The following NR2F2 variants were observed in gnomAD, a reference collection of about 807,000 sequenced individuals.
NR2F2 encodes the protein COUP transcription factor 2.
In NR2F2, 2 loss-of-function variants were observed where a neutral mutation model predicts 34.8. The ratio of observed to expected loss-of-function variants is 0.06; its 90% CI spans 0.02 to 0.18. The LOEUF (loss-of-function observed/expected upper bound fraction) is 0.18, where lower values mean the gene tolerates loss of function less well. Ranked by LOEUF, NR2F2 falls within the 10% of genes least tolerant of loss-of-function variation. NR2F2 has a pLI of 1.00. For missense variants in NR2F2, 300 were observed against 580.1 expected, an observed-to-expected ratio of 0.52 and a Z score of 4.96; for synonymous variants, 274 against 251.8, an observed-to-expected ratio of 1.09 and a Z score of -0.84.
chr15:96,332,766 G>A (rs951839083), intron 1 of NR2F2: 2 of 1,082,406 alleles, frequency 1.8e-6, no homozygotes, highest in South Asian at 1.9e-5. Flanking sequence ...TCTTTGGGCT[G>A]TTTCCATTTC....
intron 1 of NR2F2, chr15:96,333,730 T>C (rs1016492523): frequency 4.0e-6 from 5 of 1,260,032 alleles, no homozygotes; most frequent in Non-Finnish European, 5.0e-6. Context: ...ATAAGAAATA[T>C]CAGCTGTTTA....
Position 96,331,536 on chromosome 15 carries a change from TCCTCCTCCTCTA to T in NR2F2, c.-560_-549del, listed in dbSNP as rs1899141202. On this transcript the variant is annotated 5_prime_UTR_variant, in exon 1 of 3. Coordinates refer to ENST00000394166, the MANE Select transcript of NR2F2 (RefSeq NM_021005.4). ...GACTTGGCCCCCGGACAGTCGCCTC[TCCTCCTCCTCTA>T]CCTCCTCCTTCACCACCACCTCCTC... 1 of 1,225,846 alleles carries T rather than the reference TCCTCCTCCTCTA, an allele frequency of 8.2e-7. No homozygotes were observed. Among genetic ancestry groups the T allele is most frequent in the Non-Finnish European group, 1.0e-6 (1 of 984,692 alleles). The allele number at this position is 1,225,846 out of a possible 1,614,324, so 75.9% of individuals were successfully genotyped here.
Position 96,332,134 on chromosome 15 carries a change from A to AC in NR2F2, c.34dup (p.Gln12ProfsTer57). The AC allele has an allele frequency of 7.4e-7, 1 of 1,352,682 alleles. No individual in the cohort carries two copies. 83.8% of individuals were successfully genotyped at this position (1,352,682 alleles called of 1,614,324 possible). Reference sequence around the variant, plus strand: ...GCAATGGTAGTCAGCACGTGGCGCGACCCCCAGGACGAGGTGCCCGGCTCA... The same window carrying AC: ...GCAATGGTAGTCAGCACGTGGCGCGACCCCCCAGGACGAGGTGCCCGGCTCA... On this transcript the variant is annotated frameshift_variant, in exon 1 of 3. Transcript: ENST00000394166. LOFTEE classifies it high-confidence loss of function.
At chr15:96,335,957 A>ATT (rs577974915) in intron 2 of NR2F2, among the ~76,000 whole-genome samples, 42 of 152,278 alleles carry the variant, frequency 2.8e-4, no homozygotes, top group African/African-American at 9.1e-4. Context: ...TTGGATAGGG[A>ATT]TTATTTTTCT....
In NR2F2 at chr15:96,331,819, A is replaced by G; in HGVS notation, c.-287A>G. 1 of 1,197,812 alleles carries G rather than the reference A, an allele frequency of 8.3e-7. No homozygotes were observed. Among genetic ancestry groups the G allele is most frequent in the Admixed American group, 4.4e-5 (1 of 22,550 alleles). 74.2% of individuals were successfully genotyped at this position (1,197,812 alleles called of 1,614,324 possible). A position where few individuals can be genotyped will look rare whatever the true frequency, so the allele number is the denominator to read the frequency against. ...TCCCCTTCCCCTCCCCTCCCGGCGGAAAGCCCCCCGAAACCAACAAAGCTG... is the reference window on the plus strand; with the variant it reads ...TCCCCTTCCCCTCCCCTCCCGGCGGGAAGCCCCCCGAAACCAACAAAGCTG... On this transcript the variant is annotated 5_prime_UTR_variant, in exon 1 of 3. Transcript: ENST00000394166.
upstream of NR2F2, chr15:96,326,259 A>C (rs1898979804): frequency 6.7e-7 from 1 of 1,498,968 alleles, no homozygotes; most frequent in Non-Finnish European, 9.3e-7. The surrounding 1 kb of genome is among the most constrained non-coding windows in gnomAD (Gnocchi z 5.5). Context: ...CCAACAAAGC[A>C]TTTATTTCAC....
At chr15:96,335,930 A>T (rs1424975353) in intron 2 of NR2F2, among the ~76,000 whole-genome samples, 2 of 152,216 alleles carry the variant, frequency 1.3e-5, no homozygotes, top group Admixed American at 1.3e-4. Context: ...CTGGGCAGGG[A>T]AGCTGTTTGC....
intron 1 of NR2F2, chr15:96,333,712 T>C: frequency 8.4e-7 from 1 of 1,185,152 alleles, no homozygotes; most frequent in Non-Finnish European, 1.0e-6. Flanking sequence ...CTCCCTCTCC[T>C]CCAATCAATA....
At chr15:96,335,668 A>G (rs1342732255) in intron 2 of NR2F2, among the ~76,000 whole-genome samples, 1 of 152,196 alleles carries the variant, frequency 6.6e-6, no homozygotes, top group Non-Finnish European at 1.5e-5. Context: ...ACCCACTACA[A>G]TTTTTTAAGC....
intron 2 of NR2F2, 64 bp from the exon 3 acceptor site, chr15:96,337,284 C>CTTCTTCTTCTTCTTCTTCTTCTTT: frequency 2.7e-6 from 2 of 744,084 alleles, no homozygotes; most frequent in Non-Finnish European, 3.5e-6. Flanking sequence ...TGACTGAATT[C>CTTCTTCTTCTTCTTCTTCTTCTTT]TTCTTCTTCT....
upstream of NR2F2, among the ~76,000 whole-genome samples, chr15:96,330,562 G>A (rs1042347305): frequency 2.0e-5 from 3 of 149,898 alleles, no homozygotes; most frequent in Non-Finnish European, 4.5e-5. Context: ...ATGACGGCGA[G>A]GGGGCGGCGC....
upstream of NR2F2, among the ~76,000 whole-genome samples, chr15:96,327,688 C>T (rs2141162409): frequency 6.6e-6 from 1 of 152,294 alleles, no homozygotes. Flanking sequence ...TCAATGAATC[C>T]TGGAGGACGG....
chr15:96,326,235 A>G, upstream of NR2F2: 2 of 1,209,914 alleles, frequency 1.7e-6, no homozygotes, highest in Non-Finnish European at 2.5e-6. This position sits in a 1 kb window ranked among gnomAD's most constrained non-coding sequence, Gnocchi z 5.5. Context: ...TCAAAGACAC[A>G]TCTTTTCAGG....
intron 1 of NR2F2, 72 bp downstream of exon 1, chr15:96,332,619 T>G: frequency 6.4e-7 from 1 of 1,563,186 alleles, no homozygotes; most frequent in Admixed American, 1.8e-5. Context: ...TAGCCTGCTC[T>G]GGGTAAGGAC....
At chr15:96,330,646 T>C (rs1899105997), upstream of NR2F2, 1 of 156,406 alleles carries the variant, frequency 6.4e-6, no homozygotes, top group African/African-American at 2.4e-5. Flanking sequence ...GTGCGCTAAG[T>C]TGCAGCAGTC....
At chr15:96,328,075 G>A (rs1395635778), upstream of NR2F2, among the ~76,000 whole-genome samples, 1 of 152,106 alleles carries the variant, frequency 6.6e-6, no homozygotes, top group Admixed American at 6.5e-5. Context: ...TTTCTTCTCA[G>A]TCTGTAGTCT....
At chr15:96,332,701 G>A in intron 1 of NR2F2, 154 bp downstream of exon 1, 1 of 1,427,316 alleles carries the variant, frequency 7.0e-7, no homozygotes, top group Non-Finnish European at 9.2e-7. Context: ...TTCTGCATTG[G>A]AACCCAGACC....
chr15:96,335,344 C>G (rs1009600321), intron 2 of NR2F2, among the ~76,000 whole-genome samples: 5 of 152,204 alleles, frequency 3.3e-5, no homozygotes, highest in Admixed American at 6.5e-5. Flanking sequence ...GATATAAAAC[C>G]ATCATTGACT....
Position 96,332,027 on chromosome 15 carries a change from C to G in NR2F2, c.-79C>G. ...ACACAAAAGGCGGCGCGCCGGAGCC[C>G]GAGACCCGGGGAGCCGCCGCCGCCC... On this transcript the variant is annotated 5_prime_UTR_variant, in exon 1 of 3. Coordinates refer to ENST00000394166, the MANE Select transcript of NR2F2 (RefSeq NM_021005.4). The G allele has an allele frequency of 8.1e-7, 1 of 1,235,284 alleles. No homozygotes were observed. Among genetic ancestry groups the G allele is most frequent in the Non-Finnish European group, 1.0e-6 (1 of 988,320 alleles). 76.5% of individuals were successfully genotyped at this position (1,235,284 alleles called of 1,614,324 possible). A position where few individuals can be genotyped will look rare whatever the true frequency, so the allele number is the denominator to read the frequency against.
Sources: allele counts gnomAD v4.1 joint callset (sites outside exome capture counted in the v4.1 genomes callset), GRCh38; gene constraint gnomAD v4.1.1; non-coding constraint Gnocchi (gnomAD v3.1); transcripts MANE v1.5; gene names NCBI Gene and HGNC (gene_info 2026-07-23, HGNC 2026-07-21).